Variants in UTS2B observed in about 807,000 individuals in gnomAD.
UTS2B encodes the protein urotensin-2B.
Under a neutral mutation model 19.2 loss-of-function variants are expected in UTS2B, and 21 were observed. That is an observed-to-expected ratio of 1.09 (90% CI 0.78 to 1.58). The LOEUF (loss-of-function observed/expected upper bound fraction) is 1.58. Ranked by LOEUF, UTS2B falls within the 40% of genes most tolerant of loss-of-function variation. The probability of loss-of-function intolerance (pLI) is 0.00; values close to 1 mark genes in which losing one functional copy is unlikely to be tolerated. For synonymous variants in UTS2B, 57 were observed against 50.2 expected (o/e 1.14, Z -0.58); for missense variants, 138 against 130.3 (o/e 1.06, Z -0.29).
chr3:191,339,284 A>G, the UTS2B span, among the ~76,000 whole-genome samples: 1 of 152,344 alleles, frequency 6.6e-6, no homozygotes, highest in East Asian at 1.9e-4. Context: ...CATATGGTGT[A>G]TTAGAAGTTA....
At chr3:191,290,184 ATCTC>A (rs1402230502) in intron 4 of UTS2B, among the ~76,000 whole-genome samples, 1 of 152,098 alleles carries the variant, frequency 6.6e-6, no homozygotes, top group Admixed American at 6.5e-5. Flanking sequence ...TAAATCTTTT[ATCTC>A]TCTCTCTCCT....
intron 8 of UTS2B, among the ~76,000 whole-genome samples, chr3:191,272,458 T>C (rs925276084): frequency 3.3e-5 from 5 of 152,236 alleles, no homozygotes; most frequent in Non-Finnish European, 7.3e-5. Context: ...GCAAGCAGTA[T>C]ATTTAGTTTG....
intron 3 of UTS2B, among the ~76,000 whole-genome samples, chr3:191,315,573 A>T (rs148927224): frequency 6.6e-6 from 1 of 152,294 alleles, no homozygotes; most frequent in Non-Finnish European, 1.5e-5. Context: ...CCCTTCACAC[A>T]TTTGGTGATG....
rs56188122 is a variant in UTS2B at position 191,289,450 on chromosome 3, A to ATAAATAAATAAAT, written c.-124-7138_-124-7137insATTTATTTATTTA. Among the ~76,000 whole-genome samples, 1,145 of 144,054 alleles carry ATAAATAAATAAAT rather than the reference A, an allele frequency of 7.9e-3. 7 individuals are homozygous for ATAAATAAATAAAT. Among genetic ancestry groups the ATAAATAAATAAAT allele is most frequent in the African/African-American group, 0.012 (477 of 39,566 alleles). The allele number at this position is 144,054 out of a possible 152,430, so 94.5% of individuals were successfully genotyped here. ...AATAAATAAATAAATAAATAAATAA[A>ATAAATAAATAAAT]AAACAAACGAAATTAATATGTTCAG... is the stretch of plus-strand genomic sequence containing the variant. On this transcript the variant is annotated intron_variant, in intron 4 of 8. Coordinates refer to ENST00000340524, the MANE Select transcript of UTS2B (RefSeq NM_198152.5).
In UTS2B at chr3:191,268,446, A is replaced by G; in HGVS notation, c.335-5T>C. The G allele has an allele frequency of 6.4e-7, 1 of 1,553,934 alleles. No homozygotes were observed. Among genetic ancestry groups the G allele is most frequent in the Non-Finnish European group, 8.8e-7 (1 of 1,136,240 alleles). ...CACAGTATTTCCAAAAGCAAGCTAA[A>G]GAAGAAAACAAAATACATTTTTTAT... On this transcript the variant is annotated splice_region_variant and splice_polypyrimidine_tract_variant and intron_variant, in intron 8 of 8. Transcript: ENST00000340524.
chr3:191,329,854 G>C (rs1717893016), intron 1 of UTS2B: 1 of 780,450 alleles, frequency 1.3e-6, no homozygotes, highest in South Asian at 1.7e-5. Context: ...GCCTTGCCCG[G>C]ACGTGAAAGG....
At chr3:191,273,218 C>T (rs1215961663) in intron 8 of UTS2B, among the ~76,000 whole-genome samples, 7 of 152,168 alleles carry the variant, frequency 4.6e-5, no homozygotes, top group African/African-American at 7.2e-5. Flanking sequence ...TAAATATATC[C>T]TGGAAAGCCT....
chr3:191,334,966 A>G (rs1174829858), upstream of UTS2B, among the ~76,000 whole-genome samples: 2 of 152,150 alleles, frequency 1.3e-5, no homozygotes, highest in Non-Finnish European at 2.9e-5. Flanking sequence ...TGTTTTTTCT[A>G]CCTGAAAAGT....
chr3:191,345,517 C>T, the UTS2B span, among the ~76,000 whole-genome samples: 9 of 152,152 alleles, frequency 5.9e-5, no homozygotes, highest in Admixed American at 5.2e-4. Context: ...TTTTCTCTTT[C>T]CCAATAAGTT....
chr3:191,287,537 T>C lies in UTS2B; in HGVS notation c.-124-5224A>G, dbSNP rs554093514. Among the ~76,000 whole-genome samples, 4 of 152,068 alleles carry C rather than the reference T, an allele frequency of 2.6e-5. No homozygotes were observed. The South Asian group carries it at 8.3e-4, about 32-fold the overall frequency. On this transcript the variant is annotated intron_variant, in intron 4 of 8. Transcript: ENST00000340524. The stretch of plus-strand genomic sequence containing the variant: ...TTCAACAGATGCAGAAAAAACATGA[T>C]AAAATGTATATGATAAAAACTTTCA...
the UTS2B span, among the ~76,000 whole-genome samples, chr3:191,337,496 C>T: frequency 6.9e-4 from 105 of 152,138 alleles, no homozygotes; most frequent in African/African-American, 2.5e-3. Flanking sequence ...AGTTGCCCGC[C>T]ACTATGCCCA....
At chr3:191,301,483 A>ATTTTTTTTTTTTTTTTT (rs750203551) in intron 4 of UTS2B, among the ~76,000 whole-genome samples, 2 of 113,834 alleles carry the variant, frequency 1.8e-5, no homozygotes. Context: ...ATTTTTGGTA[A>ATTTTTTTTTTTTTTTTT]TTTTTTTTTT....
rs1715993148 is a variant in UTS2B, at chr3:191,268,203, ACAG to A, written c.*210_*212del. 1 of 425,962 alleles carries A rather than the reference ACAG, an allele frequency of 2.3e-6. No individual in the cohort carries two copies. The highest frequency in any genetic ancestry group is 4.4e-6 in the Non-Finnish European group (1 of 229,716). 26.4% of individuals were successfully genotyped at this position (425,962 alleles called of 1,614,324 possible). A position where few individuals can be genotyped will look rare whatever the true frequency, so the allele number is the denominator to read the frequency against. ...CTGCACGTCCATTCATAGGCTCTCTACAGGGGGAAGCAAGTGCTGTTGGCTCAT... is the reference window on the plus strand; with the variant it reads ...CTGCACGTCCATTCATAGGCTCTCTAGGGGAAGCAAGTGCTGTTGGCTCAT... On this transcript the variant is annotated 3_prime_UTR_variant, in exon 9 of 9. Transcript: ENST00000340524.
intron 4 of UTS2B, among the ~76,000 whole-genome samples, chr3:191,283,589 T>C (rs1395404478): frequency 6.6e-6 from 1 of 152,240 alleles, no homozygotes; most frequent in African/African-American, 2.4e-5. Context: ...GTCATAGTCA[T>C]TTCTGTCCCT....
chr3:191,285,374 C>A (rs757106693), intron 4 of UTS2B, among the ~76,000 whole-genome samples: 2 of 151,914 alleles, frequency 1.3e-5, no homozygotes, highest in Non-Finnish European at 2.9e-5. Flanking sequence ...TCAAAGCATA[C>A]CACTAGAGAT....
At chr3:191,344,570 CTTTT>C in the UTS2B span, among the ~76,000 whole-genome samples, 1 of 151,648 alleles carries the variant, frequency 6.6e-6, no homozygotes, top group African/African-American at 2.4e-5. Flanking sequence ...ATGTCATTTC[CTTTT>C]GTTTGTTTGT....
the UTS2B span, among the ~76,000 whole-genome samples, chr3:191,345,870 C>T: frequency 6.6e-6 from 1 of 152,200 alleles, no homozygotes; most frequent in African/African-American, 2.4e-5. Context: ...TGTTGGCACA[C>T]ATTTAAAACT....
intron 8 of UTS2B, among the ~76,000 whole-genome samples, chr3:191,268,824 G>A (rs573248930): frequency 5.8e-4 from 89 of 152,168 alleles, no homozygotes; most frequent in Non-Finnish European, 1.1e-3. Context: ...TTACACTTGA[G>A]GTAACTGATA....
the UTS2B span, among the ~76,000 whole-genome samples, chr3:191,337,068 G>A: frequency 0.011 from 1,646 of 149,972 alleles, 20 homozygotes; most frequent in African/African-American, 0.039. Context: ...TTTACATATT[G>A]TCTTTGTCTG....
Sources: allele counts gnomAD v4.1 joint callset (sites outside exome capture counted in the v4.1 genomes callset), GRCh38; gene constraint gnomAD v4.1.1; transcripts MANE v1.5; gene names NCBI Gene and HGNC (gene_info 2026-07-23, HGNC 2026-07-21).